The following SGCZ variants were observed in gnomAD, a reference collection of about 807,000 sequenced individuals.
SGCZ encodes zeta-sarcoglycan.
A neutral mutation model predicts 41.3 loss-of-function variants in SGCZ; 40 were observed. The ratio of observed to expected loss-of-function variants is 0.97; its 90% CI spans 0.75 to 1.26. SGCZ has a LOEUF of 1.26. SGCZ is among the 50% of genes most tolerant of loss of function. SGCZ has a pLI of 0.00. For synonymous variants in SGCZ, 206 were observed against 137.5 expected, an observed-to-expected ratio of 1.50 and a Z score of -3.49; for missense variants, 552 against 369.8, an observed-to-expected ratio of 1.49 and a Z score of -4.04.
intron 1 of SGCZ, among the ~76,000 whole-genome samples, chr8:14,941,929 T>C (rs1327716196): frequency 6.6e-6 from 1 of 151,870 alleles, no homozygotes. Context: ...AGTTAAAATA[T>C]ATAATGTAAA....
chr8:14,245,142 T>C (rs975848662), intron 3 of SGCZ, among the ~76,000 whole-genome samples: 4 of 151,884 alleles, frequency 2.6e-5, no homozygotes, highest in African/African-American at 7.3e-5. Context: ...TGAAGAGGAG[T>C]GGTGAGAAAG....
chr8:14,169,259 C>A (rs1236257126), intron 4 of SGCZ, among the ~76,000 whole-genome samples: 1 of 152,174 alleles, frequency 6.6e-6, no homozygotes, highest in South Asian at 2.1e-4. Context: ...GTTGACTCTT[C>A]CTTCCTCTGC....
intron 2 of SGCZ, among the ~76,000 whole-genome samples, chr8:14,388,410 G>C (rs1300939766): frequency 2.0e-5 from 3 of 152,064 alleles, no homozygotes; most frequent in Non-Finnish European, 4.4e-5. Flanking sequence ...GAAAAAAAGA[G>C]AGAGAGACAG....
At chr8:14,462,500 C>T (rs1250339598) in intron 2 of SGCZ, among the ~76,000 whole-genome samples, 1 of 151,850 alleles carries the variant, frequency 6.6e-6, no homozygotes, top group African/African-American at 2.4e-5. Context: ...AAAACTATGC[C>T]TCATTCGACC....
At chr8:14,833,429 G>C (rs868197515) in intron 1 of SGCZ, among the ~76,000 whole-genome samples, 1 of 152,134 alleles carries the variant, frequency 6.6e-6, no homozygotes, top group Admixed American at 6.5e-5. Context: ...GTCTTTTTGT[G>C]AGGTATTTTA....
At chr8:14,500,369 A>G (rs1802115344) in intron 2 of SGCZ, among the ~76,000 whole-genome samples, 1 of 152,018 alleles carries the variant, frequency 6.6e-6, no homozygotes, top group Non-Finnish European at 1.5e-5. Flanking sequence ...ATGGAAGCAG[A>G]GCAAATAAGC....
chr8:14,807,441 C>T (rs1445427891), intron 1 of SGCZ, among the ~76,000 whole-genome samples: 1 of 152,066 alleles, frequency 6.6e-6, no homozygotes, highest in African/African-American at 2.4e-5. Flanking sequence ...CAAGAGCAGA[C>T]AAACAGAGAG....
intron 4 of SGCZ, among the ~76,000 whole-genome samples, chr8:14,195,483 G>GA (rs920541155): frequency 4.6e-5 from 7 of 151,974 alleles, no homozygotes; most frequent in African/African-American, 1.7e-4. Context: ...TCAGAAGACA[G>GA]AAAAAAATAA....
At chr8:14,715,385 A>T (rs1413453003) in intron 1 of SGCZ, among the ~76,000 whole-genome samples, 1 of 152,164 alleles carries the variant, frequency 6.6e-6, no homozygotes, top group East Asian at 1.9e-4. Flanking sequence ...AGAACAAAAA[A>T]GAGCTGGCCT....
At chr8:14,252,317 A>G (rs1397694858) in intron 3 of SGCZ, among the ~76,000 whole-genome samples, 1 of 151,630 alleles carries the variant, frequency 6.6e-6, no homozygotes, top group East Asian at 1.9e-4. Context: ...TTTTTTTCAG[A>G]CTTGTCAGAT....
intron 1 of SGCZ, among the ~76,000 whole-genome samples, chr8:14,791,376 C>T (rs1800946296): frequency 6.6e-6 from 1 of 151,870 alleles, no homozygotes; most frequent in Admixed American, 6.6e-5. Flanking sequence ...TGTGGGAGTG[C>T]GCCTCTAGGA....
chr8:14,293,965 C>A (rs1263748433), intron 3 of SGCZ, among the ~76,000 whole-genome samples: 1 of 151,622 alleles, frequency 6.6e-6, no homozygotes, highest in Non-Finnish European at 1.5e-5. Flanking sequence ...TCTCTAAAAA[C>A]TGGATCAACA....
intron 1 of SGCZ, among the ~76,000 whole-genome samples, chr8:14,665,508 T>A (rs552318813): frequency 1.7e-4 from 26 of 152,318 alleles, no homozygotes; most frequent in African/African-American, 6.0e-4. Context: ...TGTTTTATAA[T>A]CCTTTGGGTA....
intron 1 of SGCZ, among the ~76,000 whole-genome samples, chr8:15,001,307 T>C (rs1459995719): frequency 6.6e-6 from 1 of 152,226 alleles, no homozygotes; most frequent in Non-Finnish European, 1.5e-5. Context: ...GACTCATCTT[T>C]CTGCGGCTGT....
At chr8:14,217,515 G>A (rs372625512) in intron 4 of SGCZ, among the ~76,000 whole-genome samples, 2 of 150,228 alleles carry the variant, frequency 1.3e-5, no homozygotes, top group East Asian at 2.0e-4. Context: ...CACTTCCCGT[G>A]AATCAATAAT....
chr8:14,146,865 C>A (rs1440516174), intron 5 of SGCZ, among the ~76,000 whole-genome samples: 1 of 110,740 alleles, frequency 9.0e-6, no homozygotes, highest in Non-Finnish European at 1.9e-5. Flanking sequence ...GAGCGAGACT[C>A]CGTCTCAAAA....
intron 1 of SGCZ, among the ~76,000 whole-genome samples, chr8:14,653,410 T>A (rs751854032): frequency 6.6e-6 from 1 of 152,134 alleles, no homozygotes; most frequent in African/African-American, 2.4e-5. Context: ...TCCTATATAG[T>A]GCTTAGCCCA....
At position 14,866,450 on chromosome 8, in the gene SGCZ, A is replaced by AAC. The variant is rs767609643; in HGVS notation, c.40-311525_40-311524insGT. Among the ~76,000 whole-genome samples the AAC allele has an allele frequency of 2.3e-3, 355 of 152,222 alleles. 1 individual carries two copies. The highest frequency in any genetic ancestry group is 8.0e-3 in the African/African-American group (332 of 41,548). On this transcript the variant is annotated intron_variant, in intron 1 of 7. Coordinates refer to ENST00000382080, the MANE Select transcript of SGCZ (RefSeq NM_139167.4). ...TACTATGACTATAAGAAAGAAAAAA[A>AAC]CACACATCTATGTTTGTTTATATGG... is the stretch of plus-strand genomic sequence containing the variant.
At chr8:14,432,701 G>T (rs937571547) in intron 2 of SGCZ, among the ~76,000 whole-genome samples, 1 of 151,998 alleles carries the variant, frequency 6.6e-6, no homozygotes, top group African/African-American at 2.4e-5. Flanking sequence ...ATCACCTGAG[G>T]TCGGGAGTTC....
Sources: gnomAD v4.1 joint callset for allele counts (sites outside exome capture counted in the v4.1 genomes callset) on GRCh38, gnomAD v4.1.1 for gene constraint, MANE v1.5 for transcripts, NCBI Gene and HGNC (gene_info 2026-07-23, HGNC 2026-07-21) for gene names.